The following GPC5 variants were observed in gnomAD, a reference collection of about 807,000 sequenced individuals.
GPC5 encodes the protein glypican 5, also known as glypican-5.
GPC5 carries 47 observed loss-of-function variants against 53.9 expected under a neutral mutation model. The ratio of observed to expected loss-of-function variants is 0.87; its 90% CI spans 0.69 to 1.11. The LOEUF is 1.11. Ranked by LOEUF, GPC5 falls within the 50% of genes most tolerant of loss-of-function variation. The probability of loss-of-function intolerance (pLI) is 0.00; values close to 1 mark genes in which losing one functional copy is unlikely to be tolerated. For missense variants in GPC5, 748 were observed against 713.1 expected (o/e 1.05, Z -0.56); for synonymous variants, 286 against 263.3 (o/e 1.09, Z -0.84).
intron 2 of GPC5, among the ~76,000 whole-genome samples, chr13:91,603,916 T>C (rs1274207313): frequency 2.6e-5 from 4 of 151,978 alleles, no homozygotes; most frequent in Non-Finnish European, 5.9e-5. Flanking sequence ...TCTCCCTTTC[T>C]AGTAGTATTT....
At chr13:92,163,324 G>GGT (rs2042004224) in intron 7 of GPC5, among the ~76,000 whole-genome samples, 1 of 151,956 alleles carries the variant, frequency 6.6e-6, no homozygotes, top group African/African-American at 2.4e-5. Flanking sequence ...AGCCAGGCAT[G>GGT]GTGGTGCATG....
intron 7 of GPC5, among the ~76,000 whole-genome samples, chr13:92,209,788 T>C (rs1051188115): frequency 6.6e-6 from 1 of 152,084 alleles, no homozygotes; most frequent in Non-Finnish European, 1.5e-5. Context: ...ACAGAACTAA[T>C]AGGATAGATA....
At chr13:91,666,511 AC>A (rs1404738662) in intron 2 of GPC5, among the ~76,000 whole-genome samples, 1 of 152,190 alleles carries the variant, frequency 6.6e-6, no homozygotes, top group African/African-American at 2.4e-5. Flanking sequence ...TTTGATTAAA[AC>A]AAAACAATTT....
Position 92,480,612 on chromosome 13 carries a change from G to A in GPC5, c.1561+335623G>A, listed in dbSNP as rs549192550. 2.6e-4 allele frequency among the ~76,000 whole-genome samples: 39 copies of A among 152,268 alleles called. No homozygotes were observed. The South Asian group carries it at 6.4e-3, about 25-fold the overall frequency. On this transcript the variant is annotated intron_variant, in intron 7 of 7. Transcript: ENST00000377067. ...CTCTCACATTTCTAGTCTCATGGTC[G>A]CAAGATGACAGATTATCCCAGGCCT...
chr13:92,765,738 T>C (rs928177146), intron 7 of GPC5, among the ~76,000 whole-genome samples: 1 of 150,808 alleles, frequency 6.6e-6, no homozygotes, highest in African/African-American at 2.5e-5. Context: ...CTTCCATGTG[T>C]TTTTTACCCA....
At chr13:92,522,465 G>T (rs557108812) in intron 7 of GPC5, among the ~76,000 whole-genome samples, 9 of 152,274 alleles carry the variant, frequency 5.9e-5, no homozygotes, top group African/African-American at 2.2e-4. Context: ...CATGTCCTGT[G>T]TAGGGGCATG....
chr13:92,713,428 TAAA>T (rs556939674), intron 7 of GPC5, among the ~76,000 whole-genome samples: 11 of 116,382 alleles, frequency 9.5e-5, no homozygotes, highest in Admixed American at 2.7e-4. Context: ...CCGGCTCTAC[TAAA>T]AAAAAAAAAA....
intron 5 of GPC5, among the ~76,000 whole-genome samples, chr13:91,846,125 T>C (rs1014518292): frequency 5.3e-5 from 8 of 152,194 alleles, no homozygotes; most frequent in African/African-American, 1.7e-4. Flanking sequence ...TCCCTCCACA[T>C]GACCTGAAAA....
intron 7 of GPC5, among the ~76,000 whole-genome samples, chr13:92,489,706 T>C (rs1879686773): frequency 6.6e-6 from 1 of 152,134 alleles, no homozygotes; most frequent in Non-Finnish European, 1.5e-5. Context: ...CCCTACAGTA[T>C]GGATGAAGAA....
intron 6 of GPC5, among the ~76,000 whole-genome samples, chr13:92,015,823 A>G (rs1386172823): frequency 6.6e-6 from 1 of 152,232 alleles, no homozygotes; most frequent in Non-Finnish European, 1.5e-5. Flanking sequence ...CAAGCAGATA[A>G]ATGAATGAAT....
chr13:92,196,527 CAAATG>C (rs978909182), intron 7 of GPC5, among the ~76,000 whole-genome samples: 58 of 152,206 alleles, frequency 3.8e-4, no homozygotes, highest in Middle Eastern at 3.4e-3. Context: ...TAATTACTGT[CAAATG>C]AAAGCTTTAT....
intron 7 of GPC5, chr13:92,241,653 A>G (rs1200302015): frequency 6.6e-6 from 1 of 152,222 alleles, no homozygotes; most frequent in South Asian, 2.1e-4. Context: ...TTCTGAAAAT[A>G]GAGAATAACT....
At chr13:91,823,012 T>A (rs1321838301) in intron 5 of GPC5, among the ~76,000 whole-genome samples, 1 of 152,116 alleles carries the variant, frequency 6.6e-6, no homozygotes, top group African/African-American at 2.4e-5. Flanking sequence ...AAATAAAGTG[T>A]CTTAAATGTT....
At chr13:92,316,428 G>C (rs1361406280) in intron 7 of GPC5, among the ~76,000 whole-genome samples, 2 of 151,930 alleles carry the variant, frequency 1.3e-5, no homozygotes. Context: ...GTCACATTTT[G>C]TACACTCATA....
At chr13:91,853,619 C>T (rs1594618563) in intron 5 of GPC5, among the ~76,000 whole-genome samples, 1 of 151,912 alleles carries the variant, frequency 6.6e-6, no homozygotes, top group Admixed American at 6.6e-5. Flanking sequence ...CTGTATTATT[C>T]TTCACACTTC....
At chr13:92,480,231 C>T (rs1879296879) in intron 7 of GPC5, among the ~76,000 whole-genome samples, 1 of 152,078 alleles carries the variant, frequency 6.6e-6, no homozygotes, top group Non-Finnish European at 1.5e-5. Flanking sequence ...TCAGATGGTG[C>T]TAAGATTTGT....
chr13:92,557,759 A>G (rs1462420511), intron 7 of GPC5, among the ~76,000 whole-genome samples: 1 of 151,862 alleles, frequency 6.6e-6, no homozygotes, highest in African/African-American at 2.4e-5. Context: ...TTGGCTCAGG[A>G]ATCAACTCCC....
intron 7 of GPC5, among the ~76,000 whole-genome samples, chr13:92,725,546 C>G (rs1888620125): frequency 6.6e-6 from 1 of 151,556 alleles, no homozygotes; most frequent in Non-Finnish European, 1.5e-5. Flanking sequence ...CCTAGCCAAA[C>G]TTTATCTTTA....
At chr13:92,685,545 T>TTTTTTTTTTTTTTA (rs1887239805) in intron 7 of GPC5, among the ~76,000 whole-genome samples, 1 of 14,996 alleles carries the variant, frequency 6.7e-5, no homozygotes. Flanking sequence ...ATTATGCTCA[T>TTTTTTTTTTTTTTA]TTTTTTTTTT....
Sources: gnomAD v4.1 joint callset for allele counts (sites outside exome capture counted in the v4.1 genomes callset) on GRCh38, gnomAD v4.1.1 for gene constraint, MANE v1.5 for transcripts, NCBI Gene and HGNC (gene_info 2026-07-23, HGNC 2026-07-21) for gene names.